The following FAM53B variants were observed in gnomAD, a reference collection of about 807,000 sequenced individuals.
The protein encoded by FAM53B is family with sequence similarity 53 member B.
Under a neutral mutation model 32.7 loss-of-function variants are expected in FAM53B, and 12 were observed. The observed-to-expected ratio is 0.37, with a 90% CI of 0.24 to 0.59. FAM53B has a LOEUF of 0.59. FAM53B is among the 20% of genes least tolerant of loss of function. The pLI is 0.72. For missense variants in FAM53B, 477 were observed against 577.7 expected (o/e 0.83, Z 1.79); for synonymous variants, 234 against 228.7 (o/e 1.02, Z -0.21).
chr10:124,670,873 T>C (rs924500387), intron 4 of FAM53B, among the ~76,000 whole-genome samples: 5 of 152,220 alleles, frequency 3.3e-5, no homozygotes, highest in Admixed American at 6.5e-5. Context: ...TGCCTGCCTG[T>C]TGTAGGCCTG....
At chr10:124,718,651 G>A (rs1285886313) in intron 1 of FAM53B, among the ~76,000 whole-genome samples, 2 of 152,248 alleles carry the variant, frequency 1.3e-5, no homozygotes, top group Admixed American at 6.5e-5. Flanking sequence ...CAGCACAATG[G>A]CGGGGGAGCC....
chr10:124,705,253 A>G (rs1162013381), intron 2 of FAM53B, among the ~76,000 whole-genome samples: 1 of 152,184 alleles, frequency 6.6e-6, no homozygotes, highest in African/African-American at 2.4e-5. Flanking sequence ...GACACCAGGC[A>G]ACAGGCAGAG....
At chr10:124,740,312 C>G (rs1950193131) in intron 1 of FAM53B, among the ~76,000 whole-genome samples, 1 of 152,128 alleles carries the variant, frequency 6.6e-6, no homozygotes, top group African/African-American at 2.4e-5. Context: ...GATTAAGCAT[C>G]AAAGAAGTTA....
intron 4 of FAM53B, among the ~76,000 whole-genome samples, chr10:124,675,144 C>T (rs1319941108): frequency 6.6e-6 from 1 of 152,202 alleles, no homozygotes; most frequent in Non-Finnish European, 1.5e-5. Flanking sequence ...ATTGCTTGTG[C>T]AACCTGAGGG....
Position 124,655,213 on chromosome 10 carries a change from G to A in FAM53B, c.906+26394C>T, listed in dbSNP as rs185462583. On this transcript the variant is annotated intron_variant, in intron 4 of 4. Transcript: ENST00000337318. ...CTGTCACATTCAGGTGACAAGGCTA[G>A]CTTCAGGACATTCTCATCTCCCATC... Among the ~76,000 whole-genome samples the A allele has an allele frequency of 2.4e-3, 365 of 152,232 alleles. 3 individuals are homozygous for A. Among genetic ancestry groups the A allele is most frequent in the African/African-American group, 8.5e-3 (353 of 41,542 alleles).
intron 1 of FAM53B, among the ~76,000 whole-genome samples, chr10:124,727,104 C>T (rs752075802): frequency 6.6e-6 from 1 of 152,112 alleles, no homozygotes; most frequent in African/African-American, 2.4e-5. Flanking sequence ...CTGCAACGTC[C>T]GCCTCCCAGG....
chr10:124,660,512 C>T (rs1032103598), intron 4 of FAM53B, among the ~76,000 whole-genome samples: 1 of 152,238 alleles, frequency 6.6e-6, no homozygotes, highest in African/African-American at 2.4e-5. Flanking sequence ...CCCTTTCCCA[C>T]AGCCCCCTCG....
intron 3 of FAM53B, among the ~76,000 whole-genome samples, chr10:124,683,216 AT>A (rs1416547297): frequency 6.6e-6 from 1 of 152,240 alleles, no homozygotes; most frequent in African/African-American, 2.4e-5. Flanking sequence ...ATTTTGTGAA[AT>A]ATTCAAGAAC....
At chr10:124,639,604 G>C (rs772471686) in intron 4 of FAM53B, among the ~76,000 whole-genome samples, 6 of 152,132 alleles carry the variant, frequency 3.9e-5, no homozygotes, top group Non-Finnish European at 8.8e-5. Context: ...GGTTGGCCGG[G>C]GTGGGTCTCT....
Position 124,623,209 on chromosome 10 carries a change from G to A in FAM53B, c.*33C>T, listed in dbSNP as rs754946835. On this transcript the variant is annotated 3_prime_UTR_variant, in exon 5 of 5. Transcript: ENST00000337318. ...CCCAGAGTGGGGGCTGTCGATGCCA[G>A]CACACCCCAGCCCTGCCTGGGCCCA... 17 of 1,542,492 alleles carry A rather than the reference G, an allele frequency of 1.1e-5. No homozygotes were observed. Among genetic ancestry groups the A allele is most frequent in the Non-Finnish European group, 1.5e-5 (17 of 1,143,254 alleles).
At chr10:124,628,977 G>A (rs2134037002) in intron 4 of FAM53B, among the ~76,000 whole-genome samples, 1 of 152,362 alleles carries the variant, frequency 6.6e-6, no homozygotes, top group Middle Eastern at 3.4e-3. Flanking sequence ...TGTGTCACTG[G>A]CACGAGAATC....
intron 1 of FAM53B, among the ~76,000 whole-genome samples, chr10:124,730,649 C>T (rs546126242): frequency 1.3e-5 from 2 of 152,202 alleles, no homozygotes; most frequent in Non-Finnish European, 2.9e-5. Context: ...ATGACAGCAA[C>T]GTTCTGGGTC....
rs533454784 is a variant in FAM53B, at chr10:124,734,190, T to C, written c.-175+9823A>G. ...CATTTATTACACTGTGTCTAGCACA[T>C]AGTAGAACCTCAATAAAAACCTGCA... On this transcript the variant is annotated intron_variant, in intron 1 of 4. Coordinates refer to ENST00000337318, the MANE Select transcript of FAM53B (RefSeq NM_014661.4). Among the ~76,000 whole-genome samples the C allele has an allele frequency of 5.3e-5, 8 of 152,348 alleles. No individual in the cohort carries two copies. The South Asian group carries it at 1.2e-3, about 24-fold the overall frequency.
In FAM53B at chr10:124,682,276, C is replaced by A. The variant is rs757405312; in HGVS notation, c.237G>T (p.Trp79Cys). ...CGCAGGCGGTCACTGCCTCCCGGTG[C>A]CATAGTGAGCTGTCCTTTTCAGGCA... is the stretch of plus-strand genomic sequence containing the variant. Reference protein sequence around the residue: ...ECLPEKDSSLWHREAVTACAV... With the variant: ...ECLPEKDSSLCHREAVTACAV... Residue 79 changes from tryptophan to cysteine, a missense_variant, in exon 4 of 5, where the codon TGG becomes TGT. Around this residue, in one of 2 missense-constraint regions of FAM53B, gnomAD observed 312 missense variants for 420.2 expected, o/e 0.74. Coordinates refer to ENST00000337318, the MANE Select transcript of FAM53B (RefSeq NM_014661.4). The surrounding 1 kb of genome is among the most constrained non-coding windows in gnomAD (Gnocchi z 5.2). 2 of 1,613,756 alleles carry A rather than the reference C, an allele frequency of 1.2e-6. No individual in the cohort carries two copies. The highest frequency in any genetic ancestry group is 1.7e-6 in the Non-Finnish European group (2 of 1,179,900).
chr10:124,727,187 T>C (rs1214369309), intron 1 of FAM53B, among the ~76,000 whole-genome samples: 1 of 151,754 alleles, frequency 6.6e-6, no homozygotes, highest in Non-Finnish European at 1.5e-5. Flanking sequence ...CCGGCTAATT[T>C]TTGTATTTTT....
intron 1 of FAM53B, among the ~76,000 whole-genome samples, chr10:124,734,952 CAAGCTTAGA>C (rs1950165124): frequency 6.6e-6 from 1 of 152,240 alleles, no homozygotes; most frequent in Non-Finnish European, 1.5e-5. Flanking sequence ...AAAGCTTCAG[CAAGCTTAGA>C]TGAGCTCTTG....
chr10:124,647,912 T>C (rs1949529538), intron 4 of FAM53B, among the ~76,000 whole-genome samples: 1 of 152,118 alleles, frequency 6.6e-6, no homozygotes, highest in African/African-American at 2.4e-5. Context: ...AGCAGGTCAG[T>C]AGCCACATGG....
intron 4 of FAM53B, among the ~76,000 whole-genome samples, chr10:124,638,389 C>CAA (rs1949447865): frequency 6.6e-6 from 1 of 152,004 alleles, no homozygotes. Context: ...CAAAACAAAA[C>CAA]AAAACAAAAC....
intron 1 of FAM53B, among the ~76,000 whole-genome samples, chr10:124,720,665 C>G (rs904337559): frequency 6.6e-6 from 1 of 152,092 alleles, no homozygotes; most frequent in African/African-American, 2.4e-5. Context: ...GCGTGGCAGG[C>G]AACTGTACTC....
Sources: allele counts gnomAD v4.1 joint callset (sites outside exome capture counted in the v4.1 genomes callset), GRCh38; gene constraint gnomAD v4.1.1; regional missense constraint gnomAD v4.1.1; non-coding constraint Gnocchi (gnomAD v3.1); transcripts MANE v1.5; gene names NCBI Gene and HGNC (gene_info 2026-07-23, HGNC 2026-07-21).